The following PRKN variants were observed in gnomAD, a reference collection of about 807,000 sequenced individuals.
The protein encoded by PRKN is E3 ubiquitin-protein ligase parkin.
PRKN carries 56 observed loss-of-function variants against 59.5 expected under a neutral mutation model. That is an observed-to-expected ratio of 0.94 (90% CI 0.76 to 1.18). The LOEUF (loss-of-function observed/expected upper bound fraction) is 1.18, where lower values mean the gene tolerates loss of function less well. Among genes scored for constraint, PRKN ranks in the 50% most tolerant of loss-of-function variants. The probability of loss-of-function intolerance (pLI) is 0.00; values close to 1 mark genes in which losing one functional copy is unlikely to be tolerated. For missense variants in PRKN, 657 were observed against 596.4 expected, an observed-to-expected ratio of 1.10 and a Z score of -1.06; for synonymous variants, 250 against 222.1, an observed-to-expected ratio of 1.13 and a Z score of -1.12.
At chr6:162,646,058 T>C (rs989208687) in intron 1 of PRKN, among the ~76,000 whole-genome samples, 6 of 151,616 alleles carry the variant, frequency 4.0e-5, no homozygotes, top group African/African-American at 1.2e-4. Flanking sequence ...GTATTTTTAG[T>C]AGAGACGGTT....
chr6:162,483,889 G>A (rs1792418547), intron 1 of PRKN, among the ~76,000 whole-genome samples: 1 of 152,166 alleles, frequency 6.6e-6, no homozygotes, highest in Non-Finnish European at 1.5e-5. Flanking sequence ...GTCAATAATA[G>A]GGGACAAGTT....
chr6:161,885,356 G>A (rs943014212), intron 6 of PRKN, among the ~76,000 whole-genome samples: 7 of 152,078 alleles, frequency 4.6e-5, no homozygotes, highest in Admixed American at 1.3e-4. Context: ...TGTCATTTTA[G>A]CTGTCTATTC....
chr6:162,701,864 T>TAC (rs60401079), intron 1 of PRKN, among the ~76,000 whole-genome samples: 39 of 115,738 alleles, frequency 3.4e-4, no homozygotes, highest in South Asian at 8.9e-4. Context: ...CATACATACA[T>TAC]ACACACACAC....
chr6:161,513,138 A>T (rs1029554732), intron 9 of PRKN, among the ~76,000 whole-genome samples: 1 of 152,160 alleles, frequency 6.6e-6, no homozygotes, highest in Non-Finnish European at 1.5e-5. Flanking sequence ...AAAATGATAG[A>T]CTGGTTTCTA....
At chr6:162,438,062 A>G (rs908800406) in intron 2 of PRKN, among the ~76,000 whole-genome samples, 20 of 151,978 alleles carry the variant, frequency 1.3e-4, no homozygotes, top group African/African-American at 4.8e-4. Context: ...GAGTAATCCA[A>G]TTTCTCCACA....
At chr6:162,722,298 A>T (rs1487568275) in intron 1 of PRKN, among the ~76,000 whole-genome samples, 1 of 152,232 alleles carries the variant, frequency 6.6e-6, no homozygotes, top group Non-Finnish European at 1.5e-5. Flanking sequence ...ATCTGTTAAG[A>T]GTCCTAGGTA....
intron 8 of PRKN, among the ~76,000 whole-genome samples, chr6:161,557,260 A>G (rs1292662081): frequency 6.6e-6 from 1 of 152,174 alleles, no homozygotes; most frequent in African/African-American, 2.4e-5. Context: ...TTCTCTTAAG[A>G]ACAAAAAGTA....
At chr6:161,857,534 G>T (rs2128223723) in intron 6 of PRKN, among the ~76,000 whole-genome samples, 1 of 152,170 alleles carries the variant, frequency 6.6e-6, no homozygotes, top group African/African-American at 2.4e-5. Context: ...TTTTTAAATG[G>T]CCCACATTTT....
rs774468482 is a variant in PRKN, at chr6:161,402,175, C to T, written c.1084-15298G>A. On this transcript the variant is annotated intron_variant, in intron 9 of 11. Coordinates refer to ENST00000366898, the MANE Select transcript of PRKN (RefSeq NM_004562.3). This position sits in a 1 kb window ranked among gnomAD's most constrained non-coding sequence, Gnocchi z 4.5. ...TGTTGGCCAAAGATAACTCATGCCT[C>T]GGGGGTCGTGAGCAGGAGGTGAAGC... Among the ~76,000 whole-genome samples, 60 of 152,174 alleles carry T rather than the reference C, an allele frequency of 3.9e-4. No individual in the cohort carries two copies. The highest frequency in any genetic ancestry group is 7.4e-4 in the Non-Finnish European group (50 of 68,004).
intron 2 of PRKN, among the ~76,000 whole-genome samples, chr6:162,402,067 T>C (rs1787823129): frequency 6.6e-6 from 1 of 151,938 alleles, no homozygotes; most frequent in Non-Finnish European, 1.5e-5. Flanking sequence ...CTGGCCGACA[T>C]GGCAAAACCC....
At chr6:162,063,558 T>A (rs1487081163) in intron 4 of PRKN, among the ~76,000 whole-genome samples, 1 of 152,294 alleles carries the variant, frequency 6.6e-6, no homozygotes, top group Middle Eastern at 3.4e-3. Context: ...TTTCTTTTTT[T>A]TTTTGATACA....
At chr6:162,472,882 A>G (rs1485034565) in intron 1 of PRKN, among the ~76,000 whole-genome samples, 1 of 150,988 alleles carries the variant, frequency 6.6e-6, no homozygotes, top group Non-Finnish European at 1.5e-5. Context: ...AACATACTGG[A>G]AATGTGTGTG....
intron 1 of PRKN, among the ~76,000 whole-genome samples, chr6:162,543,177 A>C (rs566636799): frequency 9.9e-5 from 15 of 151,442 alleles, no homozygotes; most frequent in Non-Finnish European, 1.9e-4. Flanking sequence ...TGCTGGGAAA[A>C]CTCTAGTTTT....
intron 1 of PRKN, among the ~76,000 whole-genome samples, chr6:162,724,341 A>C (rs572855761): frequency 2.4e-4 from 37 of 152,300 alleles, no homozygotes; most frequent in African/African-American, 8.4e-4. Context: ...GGCATTCAAC[A>C]CATCAATCAC....
chr6:161,802,737 A>G (rs766871697), intron 6 of PRKN, among the ~76,000 whole-genome samples: 2 of 151,786 alleles, frequency 1.3e-5, no homozygotes, highest in Non-Finnish European at 2.9e-5. Flanking sequence ...AACATCAATC[A>G]CTTCCTATAG....
At position 161,897,984 on chromosome 6, in the gene PRKN, A is replaced by AAT. The variant is rs1554244227; in HGVS notation, c.734+75317_734+75318insAT. On this transcript the variant is annotated intron_variant, in intron 6 of 11. Coordinates refer to ENST00000366898, the MANE Select transcript of PRKN (RefSeq NM_004562.3). ...TCCGTCTCAAAAAAAAAAAAAAAAA[A>AAT]GTCTCCCAGTTGCATAGAAAAGGTT... Among the ~76,000 whole-genome samples, 10 of 117,614 alleles carry AAT rather than the reference A, an allele frequency of 8.5e-5. 1 individual carries two copies. The highest frequency in any genetic ancestry group is 2.5e-4 in the African/African-American group (6 of 23,972). 77.2% of individuals were successfully genotyped at this position (117,614 alleles called of 152,430 possible). A position where few individuals can be genotyped will look rare whatever the true frequency, so the allele number is the denominator to read the frequency against.
At chr6:162,537,235 T>C (rs1778755605) in intron 1 of PRKN, among the ~76,000 whole-genome samples, 3 of 151,972 alleles carry the variant, frequency 2.0e-5, no homozygotes, top group South Asian at 4.2e-4. Flanking sequence ...TACACGGAAA[T>C]TTCTCTGTTT....
chr6:162,484,616 G>A (rs144658649), intron 1 of PRKN, among the ~76,000 whole-genome samples: 13 of 152,280 alleles, frequency 8.5e-5, no homozygotes, highest in East Asian at 1.9e-4. Context: ...TTAGCCTTCC[G>A]AATCAAGAGA....
At chr6:162,658,792 C>G (rs1562476072) in intron 1 of PRKN, among the ~76,000 whole-genome samples, 1 of 150,898 alleles carries the variant, frequency 6.6e-6, no homozygotes, top group Non-Finnish European at 1.5e-5. Context: ...TAGGTACTTA[C>G]AATGCCAATA....
Sources: gnomAD v4.1 joint callset for allele counts (sites outside exome capture counted in the v4.1 genomes callset) on GRCh38, gnomAD v4.1.1 for gene constraint, Gnocchi (gnomAD v3.1) non-coding constraint, MANE v1.5 for transcripts, NCBI Gene and HGNC (gene_info 2026-07-23, HGNC 2026-07-21) for gene names.